Variants in PCDHGA11 observed in about 807,000 individuals in gnomAD.
PCDHGA11 encodes the protein protocadherin gamma subfamily A, 11, also known as protocadherin gamma-A11.
In PCDHGA11, 39 loss-of-function variants were observed where a neutral mutation model predicts 60.4. The observed-to-expected ratio is 0.65, with a 90% CI of 0.50 to 0.84. The LOEUF is 0.84. Among genes scored for constraint, PCDHGA11 ranks in the 40% least tolerant of loss-of-function variants. The pLI, the probability that PCDHGA11 is intolerant of heterozygous loss-of-function variation, is 0.00. For missense variants in PCDHGA11, 1,165 were observed against 1,197.7 expected, an observed-to-expected ratio of 0.97 and a Z score of 0.40; for synonymous variants, 533 against 510.3, an observed-to-expected ratio of 1.04 and a Z score of -0.60.
intron 2 of PCDHGA11, among the ~76,000 whole-genome samples, chr5:141,500,180 TTA>T (rs2099797073): frequency 7.1e-6 from 1 of 140,608 alleles, no homozygotes; most frequent in African/African-American, 2.8e-5. Flanking sequence ...AGCTTCATTT[TTA>T]TTTTTATTTA....
intron 1 of PCDHGA11, among the ~76,000 whole-genome samples, chr5:141,430,243 T>C (rs1020416761): frequency 5.6e-5 from 6 of 106,478 alleles, no homozygotes; most frequent in African/African-American, 3.0e-4. Flanking sequence ...GAGAAACTCC[T>C]AGGGAGACAT....
intron 3 of PCDHGA11, among the ~76,000 whole-genome samples, chr5:141,505,926 G>A (rs114056147): frequency 0.012 from 1,893 of 152,254 alleles, 12 homozygotes; most frequent in Middle Eastern, 0.034. Context: ...TGGGCCTGGC[G>A]CTTGGAAGCC....
intron 1 of PCDHGA11, among the ~76,000 whole-genome samples, chr5:141,473,916 A>T (rs1014065718): frequency 2.6e-5 from 4 of 152,162 alleles, no homozygotes; most frequent in Non-Finnish European, 4.4e-5. Flanking sequence ...TCTTAAGAAA[A>T]CTATGAGCTG....
intron 1 of PCDHGA11, chr5:141,468,682 C>A (rs377685711): frequency 4.6e-5 from 7 of 151,296 alleles, no homozygotes; most frequent in African/African-American, 1.7e-4. Context: ...CTGGCTAACA[C>A]GGTGAAACCC....
intron 1 of PCDHGA11, chr5:141,441,637 C>T (rs1200679247): frequency 4.4e-6 from 1 of 228,574 alleles, no homozygotes; most frequent in South Asian, 4.8e-5. Context: ...GAGCCACAGG[C>T]GCTGTGATTC....
At position 141,432,298 on chromosome 5, in the gene PCDHGA11, A is replaced by G; in HGVS notation, c.2433+8638A>G. 6.2e-7 allele frequency: 1 copy of G among 1,614,236 alleles called. No homozygotes were observed. The highest frequency in any genetic ancestry group is 8.5e-7 in the Non-Finnish European group (1 of 1,180,036). The stretch of plus-strand genomic sequence containing the variant: ...TGTCCATCAACTCCGACACTGGGGT[A>G]CTGTATGCGCTGAGCTCCTTCGACT... On this transcript the variant is annotated intron_variant, in intron 1 of 3. Transcript: ENST00000398587. This position sits in a 1 kb window ranked among gnomAD's most constrained non-coding sequence, Gnocchi z 6.0.
intron 1 of PCDHGA11, among the ~76,000 whole-genome samples, chr5:141,451,724 A>G (rs2098722682): frequency 6.6e-6 from 1 of 152,170 alleles, no homozygotes; most frequent in Non-Finnish European, 1.5e-5. Context: ...TCTACTAAAA[A>G]TACAAAAATT....
chr5:141,501,530 G>T (rs556760554), intron 2 of PCDHGA11, among the ~76,000 whole-genome samples: 1 of 151,998 alleles, frequency 6.6e-6, no homozygotes, highest in East Asian at 1.9e-4. Flanking sequence ...AGCCCAGTAC[G>T]TTGTTGTGCA....
In PCDHGA11 at chr5:141,421,578, T is replaced by C; in HGVS notation, c.351T>C (p.Ile117=). ...MELLVEDTLK[I]YGVEVEIIDI... ...TTCTCGTGGAAGACACCTTGAAGAT[T>C]TACGGAGTGGAGGTGGAAATAATAG... is the stretch of plus-strand genomic sequence containing the variant. Residue 117 remains isoleucine (I), a synonymous_variant, in exon 1 of 4, where the codon ATT becomes ATC. Transcript: ENST00000398587. The C allele has an allele frequency of 2.5e-6, 4 of 1,613,886 alleles. No individual in the cohort carries two copies. The highest frequency in any genetic ancestry group is 3.4e-6 in the Non-Finnish European group (4 of 1,179,854).
chr5:141,423,758 G>GGGT, intron 1 of PCDHGA11, 98 bp downstream of exon 1: 1 of 366,842 alleles, frequency 2.7e-6, no homozygotes, highest in Non-Finnish European at 3.8e-6. Context: ...TTTGGGGGGG[G>GGGT]GGTGGGGCGG....
chr5:141,476,596 C>T lies in PCDHGA11; in HGVS notation c.2434-18211C>T. 1 of 1,614,224 alleles carries T rather than the reference C, an allele frequency of 6.2e-7. No homozygotes were observed. Among genetic ancestry groups the T allele is most frequent in the Non-Finnish European group, 8.5e-7 (1 of 1,180,038 alleles). On this transcript the variant is annotated intron_variant, in intron 1 of 3. Coordinates refer to ENST00000398587, the MANE Select transcript of PCDHGA11 (RefSeq NM_018914.3). The surrounding 1 kb of genome is among the most constrained non-coding windows in gnomAD (Gnocchi z 7.6). The stretch of plus-strand genomic sequence containing the variant: ...CGCGCTTTCCGCTCGAGAGCGCGCA[C>T]GATCCCGATGTGGGAAGCAACTCTT...
intron 1 of PCDHGA11, among the ~76,000 whole-genome samples, chr5:141,465,104 T>A (rs1044128193): frequency 1.3e-5 from 2 of 151,862 alleles, no homozygotes; most frequent in East Asian, 3.9e-4. Context: ...GTTTTTTTTT[T>A]AAGTGTTTTA....
At chr5:141,423,806 T>A in intron 1 of PCDHGA11, 146 bp downstream of exon 1, 1 of 1,251,576 alleles carries the variant, frequency 8.0e-7, no homozygotes, top group African/African-American at 1.6e-5. Flanking sequence ...GCAATACATG[T>A]GAGTTTTACT....
chr5:141,431,502 G>A lies in PCDHGA11; in HGVS notation c.2433+7842G>A, dbSNP rs749812839. ...CCAGCGTTTGCTCAGCCCGAGTACC[G>A]CGCGAGCGTTCCGGAGAATCTGGCC... On this transcript the variant is annotated intron_variant, in intron 1 of 3. Coordinates refer to ENST00000398587, the MANE Select transcript of PCDHGA11 (RefSeq NM_018914.3). This position sits in a 1 kb window ranked among gnomAD's most constrained non-coding sequence, Gnocchi z 4.8. 6 of 1,614,008 alleles carry A rather than the reference G, an allele frequency of 3.7e-6. No homozygotes were observed. In the East Asian group the frequency reaches 6.7e-5, roughly 18 times the overall value.
intron 2 of PCDHGA11, among the ~76,000 whole-genome samples, chr5:141,499,317 A>G (rs532848559): frequency 7.9e-5 from 12 of 152,354 alleles, no homozygotes; most frequent in Admixed American, 1.3e-4. Context: ...GAGAGACAGT[A>G]TCCCTGCTCT....
chr5:141,474,242 G>A (rs575397598), intron 1 of PCDHGA11, among the ~76,000 whole-genome samples: 1 of 152,192 alleles, frequency 6.6e-6, no homozygotes, highest in African/African-American at 2.4e-5. Context: ...GCTGAATAGG[G>A]GAAAAAAAGA....
Position 141,489,245 on chromosome 5 carries a change from G to A in PCDHGA11, c.2434-5562G>A, listed in dbSNP as rs773391205. 3 of 1,536,634 alleles carry A rather than the reference G, an allele frequency of 2.0e-6. No homozygotes were observed. The South Asian group carries it at 3.9e-5, about 20-fold the overall frequency. On this transcript the variant is annotated intron_variant, in intron 1 of 3. Transcript: ENST00000398587. The surrounding 1 kb of genome is among the most constrained non-coding windows in gnomAD (Gnocchi z 4.5). The stretch of plus-strand genomic sequence containing the variant: ...CCACAAAGGGACTTCTGGGTCATGG[G>A]GCCCAAGACACTCCCACAGCTCGCT...
intron 1 of PCDHGA11, chr5:141,478,229 T>C: frequency 6.2e-7 from 1 of 1,614,074 alleles, no homozygotes; most frequent in Non-Finnish European, 8.5e-7. Flanking sequence ...TTCTGTGGGG[T>C]TTGTGGTCAC....
rs779792543 is a variant in PCDHGA11 at position 141,486,994 on chromosome 5, C to T, written c.2434-7813C>T. ...ATTCAGGTTACAATGCTTGGGTTTCCTATCAGCTCCTGGAGGCCCCAGATC... is the reference window on the plus strand; with the variant it reads ...ATTCAGGTTACAATGCTTGGGTTTCTTATCAGCTCCTGGAGGCCCCAGATC... On this transcript the variant is annotated intron_variant, in intron 1 of 3. Coordinates refer to ENST00000398587, the MANE Select transcript of PCDHGA11 (RefSeq NM_018914.3). This position sits in a 1 kb window ranked among gnomAD's most constrained non-coding sequence, Gnocchi z 5.0. The T allele has an allele frequency of 6.2e-7, 1 of 1,614,214 alleles. No individual in the cohort carries two copies. The highest frequency in any genetic ancestry group is 8.5e-7 in the Non-Finnish European group (1 of 1,180,034).
Sources: allele counts gnomAD v4.1 joint callset (sites outside exome capture counted in the v4.1 genomes callset), GRCh38; gene constraint gnomAD v4.1.1; non-coding constraint Gnocchi (gnomAD v3.1); transcripts MANE v1.5; gene names NCBI Gene and HGNC (gene_info 2026-07-23, HGNC 2026-07-21).